Variants in ARID5B observed in about 807,000 individuals in gnomAD.
ARID5B encodes the protein AT-rich interactive domain-containing protein 5B.
A neutral mutation model predicts 97.2 loss-of-function variants in ARID5B; 13 were observed. The ratio of observed to expected loss-of-function variants is 0.13; its 90% CI spans 0.09 to 0.21. ARID5B has a LOEUF of 0.21. Ranked by LOEUF, ARID5B falls within the 10% of genes least tolerant of loss-of-function variation. The pLI, the probability that ARID5B is intolerant of heterozygous loss-of-function variation, is 1.00. For missense variants in ARID5B, 1,210 were observed against 1,465.3 expected (o/e 0.83, Z 2.84); for synonymous variants, 556 against 570.3 (o/e 0.97, Z 0.36).
intron 4 of ARID5B, among the ~76,000 whole-genome samples, chr10:62,003,168 G>A (rs1791632790): frequency 6.6e-6 from 1 of 152,130 alleles, no homozygotes; most frequent in African/African-American, 2.4e-5. Flanking sequence ...GGGAGGAGGT[G>A]TTCAAAAGGT....
chr10:61,936,542 T>C (rs1425247859), intron 2 of ARID5B, among the ~76,000 whole-genome samples: 4 of 152,142 alleles, frequency 2.6e-5, no homozygotes, highest in Non-Finnish European at 5.9e-5. Flanking sequence ...CGCTTGAACC[T>C]GAGAGGCAGA....
intron 9 of ARID5B, among the ~76,000 whole-genome samples, chr10:62,088,882 T>C (rs1840327429): frequency 6.6e-6 from 1 of 152,222 alleles, no homozygotes; most frequent in Admixed American, 6.5e-5. Context: ...GGATTGCAAG[T>C]TGCATGGTGG....
chr10:61,902,504 A>C (rs941741499), intron 2 of ARID5B, 91 bp downstream of exon 2: 3 of 1,511,038 alleles, frequency 2.0e-6, no homozygotes, highest in Non-Finnish European at 1.8e-6. Context: ...TACTGTATTC[A>C]CTTCTGCAGG....
intron 4 of ARID5B, among the ~76,000 whole-genome samples, chr10:62,002,901 A>T (rs1293018780): frequency 1.3e-5 from 2 of 152,178 alleles, no homozygotes; most frequent in Non-Finnish European, 2.9e-5. Flanking sequence ...AATTTAGGTA[A>T]CAGTATGCCT....
chr10:62,069,762 C>T lies in ARID5B; in HGVS notation c.1164C>T (p.Thr388=), dbSNP rs1840038283. ...YDELGGNPGS[T]SAATCTRRHY... is the part of the protein sequence containing the mutation. ...AATTAGGCGGTAATCCTGGGAGCAC[C>T]AGCGCTGCCACTTGTACCCGCAGAC... is the stretch of plus-strand genomic sequence containing the variant. The change falls in exon 8 of 10, where the codon ACC becomes ACT. Residue 388 remains threonine, a synonymous_variant. Coordinates refer to ENST00000279873, the MANE Select transcript of ARID5B (RefSeq NM_032199.3). 2 of 1,614,116 alleles carry T rather than the reference C, an allele frequency of 1.2e-6. No homozygotes were observed. Among genetic ancestry groups the T allele is most frequent in the Non-Finnish European group, 1.7e-6 (2 of 1,179,996 alleles).
intron 1 of ARID5B, 60 bp downstream of exon 1, chr10:61,901,790 A>ACCCTCCGATCCCG: frequency 1.0e-6 from 1 of 995,332 alleles, no homozygotes; most frequent in Admixed American, 2.7e-5. Flanking sequence ...CCAACCCCCC[A>ACCCTCCGATCCCG]GCTCACCCAC....
chr10:61,940,810 G>C (rs888691302), intron 3 of ARID5B, among the ~76,000 whole-genome samples: 1 of 149,938 alleles, frequency 6.7e-6, no homozygotes, highest in Non-Finnish European at 1.5e-5. Flanking sequence ...CTGAGGAAAA[G>C]GGATGAGTTC....
intron 1 of ARID5B, 65 bp downstream of exon 1, chr10:61,901,795 A>G (rs1459163555): frequency 8.7e-7 from 1 of 1,150,368 alleles, no homozygotes; most frequent in African/African-American, 2.3e-5. Context: ...CCCCCAGCTC[A>G]CCCACACCTC....
At chr10:61,913,020 T>C (rs1366770502) in intron 2 of ARID5B, among the ~76,000 whole-genome samples, 1 of 152,254 alleles carries the variant, frequency 6.6e-6, no homozygotes, top group East Asian at 1.9e-4. Context: ...CCCATTCCTT[T>C]GTCCTCAGAC....
intron 2 of ARID5B, among the ~76,000 whole-genome samples, chr10:61,920,016 A>T (rs117642984): frequency 0.05 from 7,605 of 152,282 alleles, 251 homozygotes; most frequent in Non-Finnish European, 0.077. Context: ...GCAGGTGTTC[A>T]CATCTCTCCT....
chr10:61,972,225 C>CTTTTTTTTTTTTTTTTTTT, intron 3 of ARID5B, among the ~76,000 whole-genome samples: 1 of 112,708 alleles, frequency 8.9e-6, no homozygotes, highest in Non-Finnish European at 1.7e-5. Context: ...TTATATCATG[C>CTTTTTTTTTTTTTTTTTTT]TTTTTTTTTT....
In ARID5B at chr10:61,954,412, C is replaced by T. The variant is rs144724759; in HGVS notation, c.502+14004C>T. On this transcript the variant is annotated intron_variant, in intron 3 of 9. Transcript: ENST00000279873. The stretch of plus-strand genomic sequence containing the variant: ...AAAATAAAATTATATATATAAATTT[C>T]GATGCTAAAATTTACCTGTGTGTAT... Among the ~76,000 whole-genome samples, 797 of 151,820 alleles carry T rather than the reference C, an allele frequency of 5.2e-3. 5 individuals carry two copies. Among genetic ancestry groups the T allele is most frequent in the African/African-American group, 0.018 (762 of 41,418 alleles).
chr10:61,923,985 G>T (rs1232376069), intron 2 of ARID5B, among the ~76,000 whole-genome samples: 1 of 152,246 alleles, frequency 6.6e-6, no homozygotes, highest in Admixed American at 6.5e-5. Flanking sequence ...CTCTCTTAAA[G>T]GTGGCAGAGA....
chr10:62,057,647 T>G (rs973086734), intron 6 of ARID5B, among the ~76,000 whole-genome samples: 11 of 152,184 alleles, frequency 7.2e-5, no homozygotes, highest in Admixed American at 6.5e-4. Flanking sequence ...TAATATGACG[T>G]AGCTTTATCA....
At chr10:62,073,076 A>C (rs1317435679) in intron 8 of ARID5B, among the ~76,000 whole-genome samples, 3 of 152,244 alleles carry the variant, frequency 2.0e-5, no homozygotes, top group Non-Finnish European at 4.4e-5. Flanking sequence ...TTGTGGGCAA[A>C]TATCTAGTCT....
chr10:62,016,881 TA>T (rs112977813), intron 4 of ARID5B, among the ~76,000 whole-genome samples: 3 of 152,346 alleles, frequency 2.0e-5, no homozygotes, highest in African/African-American at 7.2e-5. Flanking sequence ...TGCCTGTTCT[TA>T]AAATGTGTTA....
At chr10:62,037,639 A>G (rs1839582726) in intron 4 of ARID5B, among the ~76,000 whole-genome samples, 1 of 152,238 alleles carries the variant, frequency 6.6e-6, no homozygotes, top group Non-Finnish European at 1.5e-5. Flanking sequence ...TTCAGAGGTC[A>G]GCAAAAACCG....
intron 8 of ARID5B, 34 bp downstream of exon 8, chr10:62,069,831 A>T: frequency 6.2e-7 from 1 of 1,600,258 alleles, no homozygotes; most frequent in Non-Finnish European, 8.6e-7. Context: ...GCTTAGTTAA[A>T]AGTGTGTTAA....
chr10:62,062,242 A>T (rs1218771225), intron 7 of ARID5B, among the ~76,000 whole-genome samples: 1 of 152,240 alleles, frequency 6.6e-6, no homozygotes, highest in Non-Finnish European at 1.5e-5. Context: ...TATCTTTGAC[A>T]TGATCTGATA....
Sources: gnomAD v4.1 joint callset for allele counts (sites outside exome capture counted in the v4.1 genomes callset) on GRCh38, gnomAD v4.1.1 for gene constraint, MANE v1.5 for transcripts, NCBI Gene and HGNC (gene_info 2026-07-23, HGNC 2026-07-21) for gene names.